The following TPRG1 variants were observed in gnomAD, a reference collection of about 807,000 sequenced individuals.
TPRG1 encodes tumor protein p63-regulated gene 1 protein.
TPRG1 carries 29 observed loss-of-function variants against 29.3 expected under a neutral mutation model. That is an observed-to-expected ratio of 0.99 (90% confidence interval 0.74 to 1.35). TPRG1 has a LOEUF of 1.35. Among genes scored for constraint, TPRG1 ranks in the 40% most tolerant of loss-of-function variants. The pLI is 0.00. For missense variants in TPRG1, 327 were observed against 335.0 expected (o/e 0.98, Z 0.19); for synonymous variants, 130 against 116.8 (o/e 1.11, Z -0.73).
chr3:189,159,543 T>C (rs1727172527), intron 5 of TPRG1, among the ~76,000 whole-genome samples: 1 of 152,090 alleles, frequency 6.6e-6, no homozygotes, highest in African/African-American at 2.4e-5. Flanking sequence ...ACATAAACTA[T>C]AGAGTACAGC....
At chr3:189,032,445 G>A (rs187257676) in intron 4 of TPRG1, among the ~76,000 whole-genome samples, 1 of 152,270 alleles carries the variant, frequency 6.6e-6, no homozygotes, top group East Asian at 1.9e-4. Flanking sequence ...ATTTGTTACA[G>A]GAGCAATAGA....
chr3:189,011,337 A>G (rs1222571223), intron 3 of TPRG1, among the ~76,000 whole-genome samples: 4 of 152,190 alleles, frequency 2.6e-5, no homozygotes, highest in Non-Finnish European at 2.9e-5. Context: ...CATTGAATCT[A>G]TAAATTACTT....
chr3:189,291,531 T>C (rs1719000115), intron 4 of TPRG1, among the ~76,000 whole-genome samples: 1 of 152,196 alleles, frequency 6.6e-6, no homozygotes, highest in Non-Finnish European at 1.5e-5. Context: ...TCACTGTTAC[T>C]ATTTATGTGT....
rs1560467317 is a variant in TPRG1, at chr3:189,125,816, TGTGTG to T, written c.-743-1240_-743-1236del. Among the ~76,000 whole-genome samples the T allele has an allele frequency of 4.9e-4, 8 of 16,364 alleles. No homozygotes were observed. The African/African-American group carries it at 7.3e-3, about 15-fold the overall frequency. The allele number at this position is 16,364 out of a possible 152,430, so 10.7% of individuals were successfully genotyped here. ...GAAGATGGAGCTGCAGGGTGTTTTG[TGTGTG>T]TGTGTGTGTGTGTGTGTGTGTGTGT... On this transcript the variant is annotated intron_variant, in intron 1 of 6. Coordinates refer to the TPRG1 transcript ENST00000412373.
chr3:189,265,225 GTGGAAC>G, intron 4 of TPRG1, among the ~76,000 whole-genome samples: 1 of 152,258 alleles, frequency 6.6e-6, no homozygotes, highest in South Asian at 2.1e-4. Context: ...AATGTGAGTT[GTGGAAC>G]TGGTAGTAAA....
At chr3:189,101,233 T>G (rs1719160458) in intron 1 of TPRG1, among the ~76,000 whole-genome samples, 1 of 152,148 alleles carries the variant, frequency 6.6e-6, no homozygotes, top group Non-Finnish European at 1.5e-5. Flanking sequence ...TAGAGTTCCT[T>G]CCCTATCTTC....
intron 1 of TPRG1, chr3:189,121,324 G>T (rs190272545): frequency 9.9e-5 from 15 of 152,176 alleles, no homozygotes; most frequent in Admixed American, 7.9e-4. Flanking sequence ...CCTCCTTGAG[G>T]TTAGGTTAGG....
At chr3:189,003,072 A>G (rs1578179075) in intron 2 of TPRG1, among the ~76,000 whole-genome samples, 1 of 152,176 alleles carries the variant, frequency 6.6e-6, no homozygotes. Context: ...TGTTAGGTGT[A>G]TTAAAGGCAT....
chr3:189,108,761 G>A (rs1396056732), intron 1 of TPRG1, among the ~76,000 whole-genome samples: 1 of 152,050 alleles, frequency 6.6e-6, no homozygotes, highest in Non-Finnish European at 1.5e-5. Context: ...AAATAGGATA[G>A]CTTGCTCAAG....
At chr3:189,252,259 A>G (rs544287312) in intron 4 of TPRG1, among the ~76,000 whole-genome samples, 38 of 152,340 alleles carry the variant, frequency 2.5e-4, no homozygotes, top group Non-Finnish European at 1.5e-5. Context: ...GTCTTAGTAC[A>G]GAGCAAAATG....
Position 189,277,704 on chromosome 3 carries a change from G to T in TPRG1, c.480-32682G>T, listed in dbSNP as rs558752731. 1.7e-4 allele frequency among the ~76,000 whole-genome samples: 26 copies of T among 152,138 alleles called. No individual in the cohort carries two copies. The East Asian group carries it at 3.7e-3, about 21-fold the overall frequency. On this transcript the variant is annotated intron_variant, in intron 4 of 5. Coordinates refer to ENST00000345063, the MANE Select transcript of TPRG1 (RefSeq NM_198485.4). ...GTATAGGCAACTTAAATCCAAAAAA[G>T]AAAATTAATATATTAAGGAGCATGA...
intron 4 of TPRG1, among the ~76,000 whole-genome samples, chr3:189,244,630 C>T (rs1303858903): frequency 6.6e-6 from 1 of 152,102 alleles, no homozygotes; most frequent in African/African-American, 2.4e-5. Flanking sequence ...AACTCACTCA[C>T]TATCATGAGG....
intron 5 of TPRG1, among the ~76,000 whole-genome samples, chr3:189,151,795 C>T (rs529683790): frequency 1.5e-4 from 23 of 152,162 alleles, no homozygotes; most frequent in East Asian, 3.9e-4. Context: ...ACAGGAGAAT[C>T]GCTTGAACCT....
chr3:189,210,941 T>C (rs1360503646), intron 2 of TPRG1, among the ~76,000 whole-genome samples: 1 of 152,206 alleles, frequency 6.6e-6, no homozygotes, highest in Admixed American at 6.5e-5. Flanking sequence ...GTATTTTCTA[T>C]TATTAAAGTG....
intron 4 of TPRG1, among the ~76,000 whole-genome samples, chr3:189,243,004 G>A (rs1740859173): frequency 6.6e-6 from 1 of 151,834 alleles, no homozygotes; most frequent in African/African-American, 2.4e-5. Flanking sequence ...AAGATATTTA[G>A]TGATATCTTC....
At chr3:189,169,530 A>G (rs1728561159), upstream of TPRG1, among the ~76,000 whole-genome samples, 2 of 152,226 alleles carry the variant, frequency 1.3e-5, no homozygotes, top group Admixed American at 6.5e-5. Context: ...CTGAAGGCCA[A>G]TCTGGTAAAA....
chr3:189,301,098 C>A (rs563016145), intron 4 of TPRG1, among the ~76,000 whole-genome samples: 3 of 151,966 alleles, frequency 2.0e-5, no homozygotes, highest in South Asian at 4.2e-4. Context: ...GAGATCGAGA[C>A]TATCCTGGCT....
At position 189,206,808 on chromosome 3, in the gene TPRG1, C is replaced by CGT. The variant is rs142505576; in HGVS notation, c.-9-548_-9-547dup. Among the ~76,000 whole-genome samples the CGT allele has an allele frequency of 2.4e-3, 354 of 147,712 alleles. 3 individuals carry two copies. Among genetic ancestry groups the CGT allele is most frequent in the South Asian group, 1.3e-3 (6 of 4,582 alleles). The stretch of plus-strand genomic sequence containing the variant: ...GAGTCACCATGCCCAGCTGAACAAC[C>CGT]GTGTGTGTGTGTGTGTGTGTGCACG... On this transcript the variant is annotated intron_variant, in intron 1 of 5. Transcript: ENST00000345063.
intron 3 of TPRG1, among the ~76,000 whole-genome samples, chr3:189,023,321 C>T (rs1044987322): frequency 2.0e-5 from 3 of 152,202 alleles, no homozygotes; most frequent in African/African-American, 7.2e-5. Flanking sequence ...TGGTGAAGTT[C>T]TTGTACTGTG....
Sources: allele counts gnomAD v4.1 joint callset (sites outside exome capture counted in the v4.1 genomes callset), GRCh38; gene constraint gnomAD v4.1.1; transcripts MANE v1.5; gene names NCBI Gene and HGNC (gene_info 2026-07-23, HGNC 2026-07-21).